The following PKHD1L1 variants were observed in gnomAD, a reference collection of about 807,000 sequenced individuals.
The protein encoded by PKHD1L1 is PKHD1 like 1.
In PKHD1L1, 434 loss-of-function variants were observed where a neutral mutation model predicts 462.9. The observed-to-expected ratio is 0.94, with a 90% CI of 0.87 to 1.02. PKHD1L1 has a LOEUF of 1.02. Ranked by LOEUF, PKHD1L1 falls within the 50% of genes least tolerant of loss-of-function variation. PKHD1L1 has a pLI of 0.00. For synonymous variants in PKHD1L1, 1,781 were observed against 1,750.0 expected, an observed-to-expected ratio of 1.02 and a Z score of -0.44; for missense variants, 5,202 against 5,096.1, an observed-to-expected ratio of 1.02 and a Z score of -0.63.
At chr8:109,442,856 T>C in intron 35 of PKHD1L1, 90 bp from the exon 36 acceptor site, 1 of 1,266,234 alleles carries the variant, frequency 7.9e-7, no homozygotes, top group East Asian at 2.3e-5. Context: ...TGTATGTGCA[T>C]TTAAATGATC....
At position 109,459,744 on chromosome 8, in the gene PKHD1L1, T is replaced by C. The variant is rs1277472852; in HGVS notation, c.7154T>C (p.Val2385Ala). ...ACTCTGTTTGAAGCAAGAGCAGAAG[T>C]TGGAATTCTTACAAGAAATATTTTA... ...DGTLFEARAE[V>A]GILTRNILIR... Residue 2385 changes from valine to alanine, a missense_variant, in exon 47 of 78, where the codon GTT (valine) becomes GCT (alanine). Physicochemically the swap from Val to Ala is moderately conservative, Grantham distance 64. Coordinates refer to ENST00000378402, the MANE Select transcript of PKHD1L1 (RefSeq NM_177531.6). 1 of 1,611,848 alleles carries C rather than the reference T, an allele frequency of 6.2e-7. No individual in the cohort carries two copies. The highest frequency in any genetic ancestry group is 1.7e-5 in the Admixed American group (1 of 59,762).
In PKHD1L1 at chr8:109,532,651, A is replaced by G. The variant is rs1038339313; in HGVS notation, c.*2561A>G. 6.6e-6 allele frequency among the ~76,000 whole-genome samples: 1 copy of G among 152,224 alleles called. No homozygotes were observed. The highest frequency in any genetic ancestry group is 1.5e-5 in the Non-Finnish European group (1 of 68,032). ...AAATATGTTGTTCCAATTTTGGTCAAAGTAAGAAACAGAGAATAAAAAGTT... is the reference window on the plus strand; with the variant it reads ...AAATATGTTGTTCCAATTTTGGTCAGAGTAAGAAACAGAGAATAAAAAGTT... On this transcript the variant is annotated 3_prime_UTR_variant, in exon 78 of 78. Coordinates refer to ENST00000378402, the MANE Select transcript of PKHD1L1 (RefSeq NM_177531.6).
intron 52 of PKHD1L1, 129 bp from the exon 53 acceptor site, chr8:109,477,096 C>A: frequency 1.3e-6 from 1 of 774,574 alleles, no homozygotes; most frequent in Non-Finnish European, 2.1e-6. Context: ...TTCTCCATAC[C>A]TCTTCCATAC....
At chr8:109,373,699 G>C (rs1811643136) in intron 2 of PKHD1L1, among the ~76,000 whole-genome samples, 1 of 152,140 alleles carries the variant, frequency 6.6e-6, no homozygotes, top group Non-Finnish European at 1.5e-5. Flanking sequence ...ATTCTGGTAT[G>C]TTGTGTCTTT....
chr8:109,498,330 T>A, intron 65 of PKHD1L1, 132 bp from the exon 66 acceptor site: 1 of 501,550 alleles, frequency 2.0e-6, no homozygotes. Context: ...CTCGATCTCC[T>A]GACCTCATGA....
At chr8:109,389,045 A>G (rs1812575773) in intron 7 of PKHD1L1, 34 bp from the exon 8 acceptor site, 3 of 1,378,636 alleles carry the variant, frequency 2.2e-6, no homozygotes, top group Middle Eastern at 1.8e-4. Flanking sequence ...TTTAGTGTCT[A>G]TATAAGCTTT....
intron 6 of PKHD1L1, among the ~76,000 whole-genome samples, chr8:109,386,997 A>T (rs1812477321): frequency 6.6e-6 from 1 of 152,106 alleles, no homozygotes; most frequent in African/African-American, 2.4e-5. Flanking sequence ...TAAATATAGA[A>T]TTTTTTCACA....
At chr8:109,427,240 G>A (rs1814805497) in intron 25 of PKHD1L1, 84 bp downstream of exon 25, 6 of 1,011,024 alleles carry the variant, frequency 5.9e-6, no homozygotes, top group Middle Eastern at 4.2e-4. Context: ...AAGAACTGGA[G>A]GCTATGTTTA....
At chr8:109,524,723 G>A (rs1783172) in intron 76 of PKHD1L1, among the ~76,000 whole-genome samples, 1 of 151,802 alleles carries the variant, frequency 6.6e-6, no homozygotes, top group South Asian at 2.1e-4. Context: ...CCTTGGGAGG[G>A]TCTGTCTTAC....
chr8:109,432,696 G>A (rs1815178794), intron 27 of PKHD1L1, among the ~76,000 whole-genome samples: 2 of 152,118 alleles, frequency 1.3e-5, no homozygotes, highest in Admixed American at 1.3e-4. Context: ...CTTTTCAAAT[G>A]GGAAGTGTCC....
At chr8:109,374,206 T>G (rs1811679773) in intron 2 of PKHD1L1, among the ~76,000 whole-genome samples, 1 of 152,210 alleles carries the variant, frequency 6.6e-6, no homozygotes, top group Non-Finnish European at 1.5e-5. Flanking sequence ...GCATATATAT[T>G]TAGGATAGTT....
rs76989571 is a variant in PKHD1L1 at position 109,429,831 on chromosome 8, T to C, written c.3124-101T>C. ...AAAATATAGACTAATTTCAGTAAAT[T>C]AGCAAACCAACAAAATTCCATCACT... On this transcript the variant is annotated intron_variant, in intron 26 of 77. Transcript: ENST00000378402. The C allele has an allele frequency of 2.9e-3, 2,387 of 826,608 alleles. 42 individuals carry two copies. In the African/African-American group the frequency reaches 0.035, roughly 12 times the overall value. 51.2% of individuals were successfully genotyped at this position (826,608 alleles called of 1,614,324 possible).
chr8:109,489,579 T>C (rs953624752), intron 59 of PKHD1L1, among the ~76,000 whole-genome samples: 1 of 151,974 alleles, frequency 6.6e-6, no homozygotes, highest in African/African-American at 2.4e-5. Flanking sequence ...TTATGCCTTA[T>C]GCCATACATT....
intron 43 of PKHD1L1, among the ~76,000 whole-genome samples, chr8:109,453,163 G>A (rs79938170): frequency 4.5e-4 from 69 of 152,144 alleles, no homozygotes; most frequent in African/African-American, 1.6e-3. Context: ...TGAAACTTTT[G>A]GTTCAATAAC....
At chr8:109,430,165 T>C (rs1815015895) in intron 27 of PKHD1L1, 128 bp downstream of exon 27, 1 of 508,486 alleles carries the variant, frequency 2.0e-6, no homozygotes, top group Non-Finnish European at 3.4e-6. Flanking sequence ...AGTTCTACAT[T>C]GTGAAAATTA....
intron 25 of PKHD1L1, among the ~76,000 whole-genome samples, chr8:109,428,271 G>A (rs1814888360): frequency 6.6e-6 from 1 of 152,094 alleles, no homozygotes; most frequent in African/African-American, 2.4e-5. Context: ...AGCATTATTT[G>A]TAAAAGTAAA....
At position 109,480,122 on chromosome 8, in the gene PKHD1L1, A is replaced by G. The variant is rs1288489276; in HGVS notation, c.9310A>G (p.Thr3104Ala). Residue 3104 changes from threonine to alanine, a missense_variant, in exon 55 of 78, where the codon ACC (threonine) becomes GCC (alanine). Physicochemically the swap from Thr to Ala is moderately conservative, Grantham distance 58. Around this residue, in one of 3 missense-constraint regions of PKHD1L1, gnomAD observed 4,497 missense variants for 4,336.8 expected, o/e 1.04. Coordinates refer to ENST00000378402, the MANE Select transcript of PKHD1L1 (RefSeq NM_177531.6). Reference sequence around the variant, plus strand: ...TTACAGAGAAGTTGTTTTGAATGCTACCTACATATCACTGCAGGTAAGAGT... The same window carrying G: ...TTACAGAGAAGTTGTTTTGAATGCTGCCTACATATCACTGCAGGTAAGAGT... ...SSYREVVLNA[T>A]YISLQGGRLI... The G allele has an allele frequency of 6.4e-7, 1 of 1,571,250 alleles. No homozygotes were observed. The highest frequency in any genetic ancestry group is 1.2e-5 in the South Asian group (1 of 84,864).
At chr8:109,410,731 T>TC (rs796159321) in intron 19 of PKHD1L1, among the ~76,000 whole-genome samples, 1 of 63,312 alleles carries the variant, frequency 1.6e-5, no homozygotes, top group Admixed American at 1.6e-4. Context: ...TTTTTCTTTT[T>TC]TTTTTTTTTT....
chr8:109,446,209 G>A (rs1040485502), intron 38 of PKHD1L1, among the ~76,000 whole-genome samples: 1 of 151,952 alleles, frequency 6.6e-6, no homozygotes, highest in Non-Finnish European at 1.5e-5. Context: ...TTAGTCCTTT[G>A]TCATTATGCT....
Sources: gnomAD v4.1 joint callset for allele counts (sites outside exome capture counted in the v4.1 genomes callset) on GRCh38, gnomAD v4.1.1 for gene constraint, gnomAD v4.1.1 regional missense constraint, MANE v1.5 for transcripts, NCBI Gene and HGNC (gene_info 2026-07-23, HGNC 2026-07-21) for gene names.